ADAM23: variants seen among roughly 807,000 people sequenced by gnomAD.
ADAM23 encodes ADAM metallopeptidase domain 23, also known as disintegrin and metalloproteinase domain-containing protein 23.
Under a neutral mutation model 120.1 loss-of-function variants are expected in ADAM23, and 33 were observed. The observed-to-expected ratio is 0.27, with a 90% CI of 0.21 to 0.37. The LOEUF (loss-of-function observed/expected upper bound fraction) is 0.37, where lower values mean the gene tolerates loss of function less well. ADAM23 is among the 10% of genes least tolerant of loss of function. The pLI is 1.00. For synonymous variants in ADAM23, 367 were observed against 375.2 expected (o/e 0.98, Z 0.25); for missense variants, 862 against 1,058.2 (o/e 0.81, Z 2.57).
chr2:206,478,984 C>T (rs1695840185), intron 2 of ADAM23, among the ~76,000 whole-genome samples: 1 of 152,174 alleles, frequency 6.6e-6, no homozygotes. Flanking sequence ...GACAGTTGTA[C>T]CTGCCCCTCT....
rs1200534960 is a variant in ADAM23, at chr2:206,506,170, TAC to T, written c.510-24714_510-24713del. ...GGCTACCAGATTTCATGAAATTTCT[TAC>T]CAAGTCTCTTCTAGACAAGCCTTTT... On this transcript the variant is annotated intron_variant, in intron 3 of 25. Coordinates refer to ENST00000264377, the MANE Select transcript of ADAM23 (RefSeq NM_003812.4). 2.6e-5 allele frequency among the ~76,000 whole-genome samples: 4 copies of T among 152,360 alleles called. No homozygotes were observed. The East Asian group carries it at 7.7e-4, about 29-fold the overall frequency.
At chr2:206,455,159 C>T (rs1238886682) in intron 2 of ADAM23, among the ~76,000 whole-genome samples, 2 of 152,246 alleles carry the variant, frequency 1.3e-5, no homozygotes, top group Admixed American at 6.5e-5. Context: ...CGTACATCCT[C>T]TGAAATCTAG....
intron 8 of ADAM23, among the ~76,000 whole-genome samples, 158 bp from the exon 9 acceptor site, chr2:206,549,935 CTT>C (rs1697478771): frequency 6.6e-6 from 1 of 152,038 alleles, no homozygotes; most frequent in African/African-American, 2.4e-5. Context: ...TTTATGATCA[CTT>C]TTTAAAATTT....
At chr2:206,587,470 G>T in intron 19 of ADAM23, 95 bp downstream of exon 19, 7 of 941,002 alleles carry the variant, frequency 7.4e-6, no homozygotes, top group South Asian at 6.1e-5. Flanking sequence ...AACTTTGAAG[G>T]GAATTTTACT....
At chr2:206,516,237 A>G (rs1212324565) in intron 3 of ADAM23, among the ~76,000 whole-genome samples, 1 of 151,642 alleles carries the variant, frequency 6.6e-6, no homozygotes, top group Non-Finnish European at 1.5e-5. Context: ...TTTTATTAAA[A>G]AAAAAAAAAA....
intron 2 of ADAM23, among the ~76,000 whole-genome samples, chr2:206,459,023 TAAC>T (rs1414231205): frequency 6.6e-6 from 1 of 152,224 alleles, no homozygotes; most frequent in Admixed American, 6.5e-5. Flanking sequence ...TTTTGCGTCT[TAAC>T]AGTCTTAACC....
intron 2 of ADAM23, among the ~76,000 whole-genome samples, chr2:206,450,068 AGTT>A (rs1695161019): frequency 6.6e-6 from 1 of 152,220 alleles, no homozygotes; most frequent in South Asian, 2.1e-4. Flanking sequence ...TCCAGAAACC[AGTT>A]GTTCCATTGT....
intron 4 of ADAM23, among the ~76,000 whole-genome samples, chr2:206,536,652 T>C (rs1574519586): frequency 1.3e-5 from 2 of 152,200 alleles, no homozygotes; most frequent in Admixed American, 1.3e-4. Flanking sequence ...TTTGATTGAC[T>C]ATAGTAATAA....
Position 206,561,220 on chromosome 2 carries a change from T to C in ADAM23, c.1254+8T>C. 6.2e-7 allele frequency: 1 copy of C among 1,611,620 alleles called. No homozygotes were observed. Among genetic ancestry groups the C allele is most frequent in the East Asian group, 2.2e-5 (1 of 44,840 alleles). ...GGAGTTGGTGTGAATGAGGTAAATT[T>C]TACCAATTAGAGTTTCATCTTTGCA... On this transcript the variant is annotated splice_region_variant and intron_variant, in intron 12 of 25. Transcript: ENST00000264377.
At chr2:206,573,525 A>G (rs1262333101) in intron 18 of ADAM23, among the ~76,000 whole-genome samples, 1 of 152,190 alleles carries the variant, frequency 6.6e-6, no homozygotes, top group African/African-American at 2.4e-5. Flanking sequence ...GTGGACAATC[A>G]GTGGTTGTTT....
chr2:206,494,901 A>G (rs894985168), intron 3 of ADAM23, among the ~76,000 whole-genome samples: 1 of 152,256 alleles, frequency 6.6e-6, no homozygotes, highest in African/African-American at 2.4e-5. Context: ...GGTATCAGCG[A>G]TGGAAGACAA....
chr2:206,477,897 A>AAAAAAAATATATATATATATATATATAT (rs374524658), intron 2 of ADAM23, among the ~76,000 whole-genome samples: 2 of 93,598 alleles, frequency 2.1e-5, no homozygotes, highest in Non-Finnish European at 3.9e-5. Flanking sequence ...AAAAAAAAAA[A>AAAAAAAATATATATATATATATATATAT]ATATATATAT....
chr2:206,509,479 C>T (rs914736937), intron 3 of ADAM23, among the ~76,000 whole-genome samples: 5 of 151,866 alleles, frequency 3.3e-5, no homozygotes, highest in South Asian at 2.1e-4. Flanking sequence ...GATGGAGTCT[C>T]GCTCTGTCAC....
chr2:206,515,943 G>T (rs1328776861), intron 3 of ADAM23, among the ~76,000 whole-genome samples: 1 of 151,790 alleles, frequency 6.6e-6, no homozygotes, highest in Non-Finnish European at 1.5e-5. Context: ...TGTCAGAATT[G>T]GGCTGGGCTC....
At chr2:206,498,415 T>A (rs2105891277) in intron 3 of ADAM23, among the ~76,000 whole-genome samples, 1 of 152,290 alleles carries the variant, frequency 6.6e-6, no homozygotes, top group Non-Finnish European at 1.5e-5. Context: ...ATTCCCTATT[T>A]AATAAATGGT....
intron 15 of ADAM23, among the ~76,000 whole-genome samples, chr2:206,569,395 T>C (rs947868501): frequency 5.3e-5 from 8 of 152,232 alleles, no homozygotes; most frequent in Non-Finnish European, 1.0e-4. Flanking sequence ...TAAACAACTA[T>C]GGATGCCAGT....
At chr2:206,506,192 C>T (rs138875664) in intron 3 of ADAM23, among the ~76,000 whole-genome samples, 377 of 152,264 alleles carry the variant, frequency 2.5e-3, no homozygotes, top group African/African-American at 8.6e-3. Context: ...TCTAGACAAG[C>T]CTTTTGTTTT....
At chr2:206,540,915 T>A (rs1396588472) in intron 4 of ADAM23, among the ~76,000 whole-genome samples, 1 of 146,708 alleles carries the variant, frequency 6.8e-6, no homozygotes, top group African/African-American at 2.5e-5. Flanking sequence ...ATAATAAAAA[T>A]TATTATTTTT....
At chr2:206,456,449 G>T (rs1024024461) in intron 2 of ADAM23, among the ~76,000 whole-genome samples, 21 of 151,922 alleles carry the variant, frequency 1.4e-4, no homozygotes, top group Non-Finnish European at 2.9e-4. Flanking sequence ...CCCTGGACTG[G>T]TGACTATGAG....
Sources: gnomAD v4.1 joint callset for allele counts (sites outside exome capture counted in the v4.1 genomes callset) on GRCh38, gnomAD v4.1.1 for gene constraint, MANE v1.5 for transcripts, NCBI Gene and HGNC (gene_info 2026-07-23, HGNC 2026-07-21) for gene names.